Variants in MCTP2 observed in about 807,000 individuals in gnomAD.
MCTP2 encodes the protein multiple C2 and transmembrane domain-containing protein 2.
In MCTP2, 132 loss-of-function variants were observed where a neutral mutation model predicts 111.6. The ratio of observed to expected loss-of-function variants is 1.18; its 90% CI spans 1.03 to 1.37. MCTP2 has a LOEUF of 1.37. Ranked by LOEUF, MCTP2 falls within the 40% of genes most tolerant of loss-of-function variation. The pLI, the probability that MCTP2 is intolerant of heterozygous loss-of-function variation, is 0.00. For synonymous variants in MCTP2, 395 were observed against 387.7 expected (o/e 1.02, Z -0.22); for missense variants, 1,183 against 1,067.9 (o/e 1.11, Z -1.50).
chr15:94,310,010 C>G (rs757014032), intron 2 of MCTP2, among the ~76,000 whole-genome samples: 1 of 152,124 alleles, frequency 6.6e-6, no homozygotes, highest in Non-Finnish European at 1.5e-5. Flanking sequence ...TTAGCTTTGA[C>G]AATATTTAAA....
chr15:94,476,719 C>T lies in MCTP2; in HGVS notation c.2494C>T (p.Leu832Phe). ...IWGINKFTKK[L>F]RNPYSIDNNE... Reference sequence around the variant, plus strand: ...AGGCATAAATAAATTTACTAAGAAGCTTCGAAATCCCTATTCCATCGACAA... The same window carrying T: ...AGGCATAAATAAATTTACTAAGAAGTTTCGAAATCCCTATTCCATCGACAA... Residue 832 changes from leucine (L) to phenylalanine (F), a missense_variant, in exon 22 of 23, where the codon CTT (leucine) becomes TTT (phenylalanine). Physicochemically the swap from Leu to Phe is conservative, Grantham distance 22. Coordinates refer to ENST00000357742, the MANE Select transcript of MCTP2 (RefSeq NM_001385001.1). 3.7e-6 allele frequency: 6 copies of T among 1,601,806 alleles called. No homozygotes were observed. Among genetic ancestry groups the T allele is most frequent in the East Asian group, 2.2e-5 (1 of 44,790 alleles).
chr15:94,473,417 A>T (rs920828771), intron 21 of MCTP2, among the ~76,000 whole-genome samples: 6 of 152,180 alleles, frequency 3.9e-5, no homozygotes, highest in African/African-American at 1.4e-4. Flanking sequence ...GTGATTTTTG[A>T]AAATTAAGTG....
chr15:94,315,629 A>G lies in MCTP2; in HGVS notation c.629A>G (p.Asp210Gly). 6.2e-7 allele frequency: 1 copy of G among 1,613,550 alleles called. No individual in the cohort carries two copies. The highest frequency in any genetic ancestry group is 2.2e-5 in the East Asian group (1 of 44,868). Residue 210 changes from aspartate (D) to glycine (G), a missense_variant, in exon 4 of 23, where the codon GAT (aspartate) becomes GGT (glycine). By Grantham distance (94) the Asp-to-Gly change is moderately conservative. Coordinates refer to ENST00000357742, the MANE Select transcript of MCTP2 (RefSeq NM_001385001.1). ...GAAGGCCGGAACCTGGTTGTCCGAG[A>G]TCGCTGTGGTAAGACCTGGGTCTGT... Reference protein sequence around the residue: ...LKEGRNLVVRDRCGTSDPYVK... With the variant: ...LKEGRNLVVRGRCGTSDPYVK...
In MCTP2 at chr15:94,246,784, T is replaced by C. The variant is rs151314215; in HGVS notation, c.-66+15120T>C. Among the ~76,000 whole-genome samples the C allele has an allele frequency of 5.8e-4, 88 of 152,318 alleles. No homozygotes were observed. In the East Asian group the frequency reaches 0.014, roughly 23 times the overall value. ...CTGTCACATGATAATGTCCACTTCA[T>C]TGCGCTGACACTGGCATTGATGGAA... On this transcript the variant is annotated intron_variant, in intron 1 of 22. Coordinates refer to ENST00000357742, the MANE Select transcript of MCTP2 (RefSeq NM_001385001.1).
At chr15:94,310,842 A>C (rs2076094289) in intron 2 of MCTP2, among the ~76,000 whole-genome samples, 1 of 151,776 alleles carries the variant, frequency 6.6e-6, no homozygotes, top group East Asian at 1.9e-4. Flanking sequence ...CAGGAGGCCG[A>C]GGCAGGAGGA....
intron 1 of MCTP2, among the ~76,000 whole-genome samples, chr15:94,242,019 G>A (rs2071003934): frequency 6.6e-6 from 1 of 152,150 alleles, no homozygotes; most frequent in African/African-American, 2.4e-5. Flanking sequence ...TGATTAAGGA[G>A]AGAAAAGGTT....
intron 4 of MCTP2, among the ~76,000 whole-genome samples, chr15:94,322,813 A>G (rs1006110321): frequency 1.3e-5 from 2 of 152,254 alleles, no homozygotes; most frequent in Non-Finnish European, 2.9e-5. Flanking sequence ...TTAACTCAGC[A>G]GTGGAGTGGA....
chr15:94,416,541 A>T (rs574169568), intron 17 of MCTP2, among the ~76,000 whole-genome samples: 43 of 152,268 alleles, frequency 2.8e-4, no homozygotes, highest in South Asian at 2.5e-3. Context: ...TTGGTAGATT[A>T]CACTGAATGT....
intron 19 of MCTP2, among the ~76,000 whole-genome samples, chr15:94,445,216 T>C (rs562640158): frequency 1.1e-4 from 17 of 152,296 alleles, no homozygotes; most frequent in African/African-American, 3.8e-4. Flanking sequence ...TGCCAACCTG[T>C]CCCAAGTTGA....
intron 1 of MCTP2, among the ~76,000 whole-genome samples, chr15:94,234,001 T>A (rs1021683346): frequency 6.6e-6 from 1 of 152,140 alleles, no homozygotes; most frequent in African/African-American, 2.4e-5. Context: ...TCAGGTAGAA[T>A]ATTTTGCCTG....
chr15:94,461,132 G>A (rs2085179309), intron 20 of MCTP2, among the ~76,000 whole-genome samples: 2 of 152,066 alleles, frequency 1.3e-5, no homozygotes, highest in South Asian at 2.1e-4. Context: ...AATTTTAAAT[G>A]TATGTATATA....
chr15:94,325,812 A>ATTTTTTTTTTTTTTTTTTT lies in MCTP2; in HGVS notation c.637+10183_637+10201dup, dbSNP rs557989149. ...GAACCTACTCTACTCCATCGCTCCGATTTTTTTTTTTTTTTTTTTTTTTTT... is the reference window on the plus strand; with the variant it reads ...GAACCTACTCTACTCCATCGCTCCGATTTTTTTTTTTTTTTTTTTTTTTTTTTTTTTTTTTTTTTTTTTT... On this transcript the variant is annotated intron_variant, in intron 4 of 22. Coordinates refer to ENST00000357742, the MANE Select transcript of MCTP2 (RefSeq NM_001385001.1). 3.5e-4 allele frequency among the ~76,000 whole-genome samples: 32 copies of ATTTTTTTTTTTTTTTTTTT among 91,876 alleles called. 4 individuals are homozygous for ATTTTTTTTTTTTTTTTTTT. The highest frequency in any genetic ancestry group is 6.3e-4 in the African/African-American group (14 of 22,346). 60.3% of individuals were successfully genotyped at this position (91,876 alleles called of 152,430 possible).
chr15:94,442,988 C>CAA, intron 19 of MCTP2, 28 bp downstream of exon 19: 1 of 1,581,308 alleles, frequency 6.3e-7, no homozygotes, highest in South Asian at 1.1e-5. Flanking sequence ...AGAACACACA[C>CAA]AAAAAAACAC....
intron 7 of MCTP2, chr15:94,342,801 C>T (rs921306787): frequency 6.7e-6 from 1 of 148,720 alleles, no homozygotes; most frequent in South Asian, 2.1e-4. Context: ...TATTTATCTC[C>T]ATATCCATAT....
intron 2 of MCTP2, among the ~76,000 whole-genome samples, chr15:94,307,801 C>T (rs987326533): frequency 4.6e-5 from 7 of 152,110 alleles, no homozygotes; most frequent in African/African-American, 7.2e-5. Flanking sequence ...GGCACTGTCC[C>T]GAGGCTTCGT....
intron 1 of MCTP2, among the ~76,000 whole-genome samples, chr15:94,249,635 G>A (rs539895935): frequency 3.9e-4 from 59 of 151,944 alleles, no homozygotes; most frequent in Admixed American, 6.6e-4. Context: ...ACAGGCACCC[G>A]CCACCACGCC....
chr15:94,340,516 C>G (rs949332463), intron 6 of MCTP2, among the ~76,000 whole-genome samples: 1 of 152,100 alleles, frequency 6.6e-6, no homozygotes, highest in South Asian at 2.1e-4. Flanking sequence ...GGATTTCATA[C>G]TTTGATTTGT....
At chr15:94,233,404 CTG>C (rs1031749923) in intron 1 of MCTP2, among the ~76,000 whole-genome samples, 7 of 152,054 alleles carry the variant, frequency 4.6e-5, no homozygotes, top group African/African-American at 1.7e-4. Flanking sequence ...TATATTCTCT[CTG>C]TGTTATACAT....
intron 20 of MCTP2, among the ~76,000 whole-genome samples, chr15:94,468,824 C>T (rs1052845839): frequency 6.6e-6 from 1 of 152,090 alleles, no homozygotes; most frequent in African/African-American, 2.4e-5. Flanking sequence ...GATGAGATTT[C>T]ACCATGTTGA....
Sources: gnomAD v4.1 joint callset for allele counts (sites outside exome capture counted in the v4.1 genomes callset) on GRCh38, gnomAD v4.1.1 for gene constraint, MANE v1.5 for transcripts, NCBI Gene and HGNC (gene_info 2026-07-23, HGNC 2026-07-21) for gene names.